The following ARFGAP2 variants were observed in gnomAD, a reference collection of about 807,000 sequenced individuals.
ARFGAP2 encodes the protein ARF GTPase activating protein 2.
ARFGAP2 carries 45 observed loss-of-function variants against 71.9 expected under a neutral mutation model. The ratio of observed to expected loss-of-function variants is 0.63; its 90% CI spans 0.49 to 0.80. The LOEUF (loss-of-function observed/expected upper bound fraction) is 0.80. Among genes scored for constraint, ARFGAP2 ranks in the 30% least tolerant of loss-of-function variants. The pLI, the probability that ARFGAP2 is intolerant of heterozygous loss-of-function variation, is 0.00. For missense variants in ARFGAP2, 633 were observed against 673.9 expected, an observed-to-expected ratio of 0.94 and a Z score of 0.67; for synonymous variants, 248 against 249.2, an observed-to-expected ratio of 1.00 and a Z score of 0.05.
chr11:47,172,337 C>A lies in ARFGAP2; in HGVS notation c.620-4G>T, dbSNP rs375417911. On this transcript the variant is annotated splice_polypyrimidine_tract_variant and splice_region_variant and intron_variant, in intron 7 of 15. Coordinates refer to ENST00000524782, the MANE Select transcript of ARFGAP2 (RefSeq NM_032389.6). Reference sequence around the variant, plus strand: ...CCAATGATGGAGCTTTTCAGTTCTGCGTGAGAAACGGGTAGGCATGAGCTA... The same window carrying A: ...CCAATGATGGAGCTTTTCAGTTCTGAGTGAGAAACGGGTAGGCATGAGCTA... 1.8e-5 allele frequency: 29 copies of A among 1,613,954 alleles called. No homozygotes were observed. In the African/African-American group the frequency reaches 2.7e-4, roughly 15 times the overall value.
chr11:47,165,681 C>T (rs995167874), intron 15 of ARFGAP2, among the ~76,000 whole-genome samples, 179 bp from the exon 16 acceptor site: 5 of 152,090 alleles, frequency 3.3e-5, no homozygotes, highest in African/African-American at 7.2e-5. Context: ...CTCGGGCACC[C>T]GACAACAGGG....
intron 7 of ARFGAP2, chr11:47,173,210 T>A (rs1952666990): frequency 4.8e-6 from 3 of 620,056 alleles, no homozygotes; most frequent in Non-Finnish European, 8.5e-6. Flanking sequence ...CCAGGCCTTA[T>A]ACACCAGCCC....
chr11:47,171,887 G>A, intron 8 of ARFGAP2, 87 bp from the exon 9 acceptor site: 1 of 1,536,642 alleles, frequency 6.5e-7, no homozygotes, highest in Admixed American at 2.0e-5. Flanking sequence ...ACACCCACAA[G>A]GAAAAGGCCC....
At position 47,166,905 on chromosome 11, in the gene ARFGAP2, A is replaced by G. The variant is rs182918142; in HGVS notation, c.1206-19T>C. ...TGTGGCTCTGAGGGGAAGATGTGGAATATCTCGGACTCCTCCCATTATCAT... is the reference window on the plus strand; with the variant it reads ...TGTGGCTCTGAGGGGAAGATGTGGAGTATCTCGGACTCCTCCCATTATCAT... On this transcript the variant is annotated intron_variant, in intron 12 of 15. Coordinates refer to ENST00000524782, the MANE Select transcript of ARFGAP2 (RefSeq NM_032389.6). 2.2e-5 allele frequency: 35 copies of G among 1,610,466 alleles called. No homozygotes were observed. Among genetic ancestry groups the G allele is most frequent in the Non-Finnish European group, 2.6e-5 (31 of 1,178,870 alleles).
At chr11:47,174,429 C>G (rs1444849224) in intron 5 of ARFGAP2, 1 of 128,080 alleles carries the variant, frequency 7.8e-6, no homozygotes, top group Non-Finnish European at 1.5e-5. Context: ...CGCTCTGTCG[C>G]CCAGGCCGGA....
chr11:47,164,422 G>A lies in ARFGAP2; in HGVS notation c.*1060C>T. The A allele has an allele frequency of 1.3e-6, 1 of 751,530 alleles. No homozygotes were observed. Among genetic ancestry groups the A allele is most frequent in the Non-Finnish European group, 2.0e-6 (1 of 504,758 alleles). The allele number at this position is 751,530 out of a possible 1,614,324, so 46.6% of individuals were successfully genotyped here. The stretch of plus-strand genomic sequence containing the variant: ...CTGGGGGAGGGGCAAGGGGAAGAGT[G>A]GTCTGTGTTGCTTGGGAGCCCAACC... On this transcript the variant is annotated 3_prime_UTR_variant, in exon 16 of 16. Transcript: ENST00000524782.
At chr11:47,167,548 A>G (rs1258619378) in intron 12 of ARFGAP2, among the ~76,000 whole-genome samples, 10 of 152,198 alleles carry the variant, frequency 6.6e-5, no homozygotes, top group Non-Finnish European at 4.4e-5. Flanking sequence ...GAAGCATACA[A>G]TCAGGCTCCT....
At chr11:47,174,986 T>C in intron 5 of ARFGAP2, 29 bp downstream of exon 5, 7 of 1,611,998 alleles carry the variant, frequency 4.3e-6, no homozygotes, top group Non-Finnish European at 5.9e-6. Context: ...CAAGAACAAC[T>C]GGGAAAACGG....
At chr11:47,172,742 T>C (rs777491218) in intron 7 of ARFGAP2, 5 of 1,294,416 alleles carry the variant, frequency 3.9e-6, no homozygotes, top group Non-Finnish European at 5.0e-6. Context: ...AGCTGACAGA[T>C]ACACGGACTC....
intron 7 of ARFGAP2, chr11:47,172,732 A>C: frequency 7.7e-7 from 1 of 1,296,536 alleles, no homozygotes; most frequent in South Asian, 1.2e-5. Context: ...GGGCCCCTTT[A>C]GCTGACAGAT....
intron 10 of ARFGAP2, among the ~76,000 whole-genome samples, chr11:47,170,711 T>C (rs575487481): frequency 6.6e-6 from 1 of 152,216 alleles, no homozygotes; most frequent in Admixed American, 6.5e-5. Context: ...TCCCAGTACT[T>C]TGTGAAGCCA....
chr11:47,174,908 A>G, intron 5 of ARFGAP2, 107 bp downstream of exon 5: 1 of 1,214,032 alleles, frequency 8.2e-7, no homozygotes, highest in Non-Finnish European at 1.2e-6. Context: ...TGTCCAAGAC[A>G]TCACATCAAA....
intron 3 of ARFGAP2, 161 bp from the exon 4 acceptor site, chr11:47,175,474 C>A: frequency 8.3e-7 from 1 of 1,204,808 alleles, no homozygotes; most frequent in Non-Finnish European, 1.2e-6. Context: ...TCTCGAAATT[C>A]CTGCAAAAAA....
intron 10 of ARFGAP2, among the ~76,000 whole-genome samples, chr11:47,171,191 C>T (rs1952583974): frequency 6.6e-6 from 1 of 152,232 alleles, no homozygotes; most frequent in Admixed American, 6.5e-5. Context: ...CTTGAAGATA[C>T]TGAAATAACA....
chr11:47,168,415 C>T (rs1364202343), intron 10 of ARFGAP2, 164 bp from the exon 11 acceptor site: 1 of 864,806 alleles, frequency 1.2e-6, no homozygotes, highest in Non-Finnish European at 1.7e-6. Flanking sequence ...AGAAGGCTAG[C>T]TGTGTGTGGT....
chr11:47,168,419 G>T, intron 10 of ARFGAP2, 168 bp from the exon 11 acceptor site: 2 of 826,808 alleles, frequency 2.4e-6, no homozygotes, highest in Non-Finnish European at 1.8e-6. Context: ...GGCTAGCTGT[G>T]TGTGGTGACC....
At chr11:47,176,289 T>G (rs1050708220) in intron 2 of ARFGAP2, 2 of 597,500 alleles carry the variant, frequency 3.3e-6, no homozygotes, top group Admixed American at 3.0e-5. Context: ...GTCTCAAGCC[T>G]GACCGTCAAA....
Position 47,166,688 on chromosome 11 carries a change from A to C in ARFGAP2, c.1332+72T>G, listed in dbSNP as rs568114090. The C allele has an allele frequency of 3.1e-6, 5 of 1,599,544 alleles. No individual in the cohort carries two copies. In the African/African-American group the frequency reaches 6.7e-5, roughly 21 times the overall value. On this transcript the variant is annotated intron_variant, in intron 13 of 15. Coordinates refer to ENST00000524782, the MANE Select transcript of ARFGAP2 (RefSeq NM_032389.6). ...CCAGGCCCTCCTGGTGCTAAAGCCC[A>C]AAGCAGCGGCAGGGAGAAAGCTCAT...
intron 3 of ARFGAP2, 98 bp downstream of exon 3, chr11:47,175,753 C>G: frequency 1.4e-6 from 2 of 1,387,240 alleles, no homozygotes; most frequent in Non-Finnish European, 2.1e-6. Flanking sequence ...AACAGAGAAC[C>G]CTCTGAACAG....
Sources: gnomAD v4.1 joint callset for allele counts (sites outside exome capture counted in the v4.1 genomes callset) on GRCh38, gnomAD v4.1.1 for gene constraint, MANE v1.5 for transcripts, NCBI Gene and HGNC (gene_info 2026-07-23, HGNC 2026-07-21) for gene names.